AK8: variants seen among roughly 807,000 people sequenced by gnomAD.
AK8 encodes the protein ATP-AMP transphosphorylase 8.
A neutral mutation model predicts 54.6 loss-of-function variants in AK8; 44 were observed. The observed-to-expected ratio is 0.81, with a 90% CI of 0.63 to 1.04. The LOEUF (loss-of-function observed/expected upper bound fraction) is 1.04. AK8 is among the 50% of genes least tolerant of loss of function. The pLI is 0.00. For missense variants in AK8, 555 were observed against 613.6 expected (o/e 0.90, Z 1.01); for synonymous variants, 239 against 245.6 (o/e 0.97, Z 0.25).
At chr9:132,876,080 G>A (rs1477866820) in intron 1 of AK8, among the ~76,000 whole-genome samples, 1 of 152,208 alleles carries the variant, frequency 6.6e-6, no homozygotes, top group Non-Finnish European at 1.5e-5. Context: ...GGAGGGAGGG[G>A]CTGTAGCCCT....
At chr9:132,760,287 A>C (rs1838393664) in intron 11 of AK8, among the ~76,000 whole-genome samples, 1 of 151,700 alleles carries the variant, frequency 6.6e-6, no homozygotes, top group Non-Finnish European at 1.5e-5. Flanking sequence ...GGTTTAAGTG[A>C]TCCTCCCACC....
rs538639915 is a variant in AK8 at position 132,842,283 on chromosome 9, G to A, written c.402+12574C>T. Among the ~76,000 whole-genome samples the A allele has an allele frequency of 1.2e-4, 18 of 152,294 alleles. No individual in the cohort carries two copies. In the East Asian group the frequency reaches 3.3e-3, roughly 28 times the overall value. ...TTCACTGCCACGGTGGTACAGAACT[G>A]GGGAATTATCCAAATGGCATTGATT... On this transcript the variant is annotated intron_variant, in intron 5 of 12. Transcript: ENST00000298545.
chr9:132,746,934 G>C (rs1837680569), intron 11 of AK8, among the ~76,000 whole-genome samples: 1 of 152,124 alleles, frequency 6.6e-6, no homozygotes, highest in African/African-American at 2.4e-5. Context: ...ATGCATTCTG[G>C]TTTAAAATAA....
chr9:132,753,136 G>C (rs539293968), intron 11 of AK8, among the ~76,000 whole-genome samples: 1 of 152,184 alleles, frequency 6.6e-6, no homozygotes, highest in Non-Finnish European at 1.5e-5. Flanking sequence ...GAATCACGCC[G>C]CATTCCCAGG....
rs1185374011 is a variant in AK8 at position 132,790,238 on chromosome 9, A to G, written c.1121+2396T>C. Among the ~76,000 whole-genome samples, 1 of 152,132 alleles carries G rather than the reference A, an allele frequency of 6.6e-6. No homozygotes were observed. Among genetic ancestry groups the G allele is most frequent in the Non-Finnish European group, 1.5e-5 (1 of 68,016 alleles). ...GATAAACATTAACTAGAGATTTTAAATCACGGAGCTATACTTCTTTTTTTT... is the reference window on the plus strand; with the variant it reads ...GATAAACATTAACTAGAGATTTTAAGTCACGGAGCTATACTTCTTTTTTTT... On this transcript the variant is annotated intron_variant, in intron 11 of 12. Coordinates refer to ENST00000298545, the MANE Select transcript of AK8 (RefSeq NM_152572.3). This position sits in a 1 kb window ranked among gnomAD's most constrained non-coding sequence, Gnocchi z 4.1.
At chr9:132,877,866 G>C (rs754219632) in intron 1 of AK8, 26 of 643,796 alleles carry the variant, frequency 4.0e-5, no homozygotes, top group Non-Finnish European at 6.2e-5. Context: ...GGGAAACCGA[G>C]AAAAGGAAAG....
intron 11 of AK8, among the ~76,000 whole-genome samples, chr9:132,787,726 C>A (rs1024969338): frequency 1.3e-5 from 2 of 152,140 alleles, no homozygotes; most frequent in African/African-American, 4.8e-5. Flanking sequence ...GAAAGGCAAT[C>A]CCAAAATGAT....
intron 11 of AK8, among the ~76,000 whole-genome samples, chr9:132,756,233 C>G (rs578144346): frequency 1.6e-4 from 25 of 152,314 alleles, no homozygotes; most frequent in Non-Finnish European, 3.5e-4. Context: ...GCAGCTCATT[C>G]TTGCATAGAA....
At chr9:132,742,926 C>T (rs1837463526) in intron 11 of AK8, among the ~76,000 whole-genome samples, 1 of 152,318 alleles carries the variant, frequency 6.6e-6, no homozygotes, top group South Asian at 2.1e-4. Flanking sequence ...CCGCCAGAAG[C>T]GATGGAGCCA....
At chr9:132,735,451 C>G (rs988882084) in intron 11 of AK8, among the ~76,000 whole-genome samples, 2 of 152,172 alleles carry the variant, frequency 1.3e-5, no homozygotes, top group African/African-American at 4.8e-5. Context: ...GCTTCTTGAT[C>G]TTAACCAATA....
chr9:132,827,214 C>T (rs549609863), intron 7 of AK8, 160 bp from the exon 8 acceptor site: 4 of 675,902 alleles, frequency 5.9e-6, no homozygotes, highest in South Asian at 3.5e-5. Context: ...CCAGCACTTC[C>T]AGCTACTCTG....
intron 11 of AK8, among the ~76,000 whole-genome samples, chr9:132,737,530 C>T (rs1313516384): frequency 1.3e-5 from 2 of 152,120 alleles, no homozygotes; most frequent in African/African-American, 4.8e-5. Context: ...AAGAATAATA[C>T]ATCACAACCA....
chr9:132,787,368 C>T (rs927014761), intron 11 of AK8, among the ~76,000 whole-genome samples: 1 of 152,048 alleles, frequency 6.6e-6, no homozygotes, highest in African/African-American at 2.4e-5. Context: ...AAAGGAAGAG[C>T]CTACAAACTT....
chr9:132,857,097 C>A (rs1843200528), intron 4 of AK8, among the ~76,000 whole-genome samples: 1 of 152,146 alleles, frequency 6.6e-6, no homozygotes, highest in Non-Finnish European at 1.5e-5. Context: ...TCCCTGGCTC[C>A]AACATCTGCT....
At chr9:132,832,167 A>C (rs1588185795) in intron 5 of AK8, among the ~76,000 whole-genome samples, 1 of 142,144 alleles carries the variant, frequency 7.0e-6, no homozygotes, top group Non-Finnish European at 1.6e-5. Context: ...AAAAAAAAAA[A>C]CCTAAACAAA....
chr9:132,778,514 C>T (rs1479288178), intron 11 of AK8, among the ~76,000 whole-genome samples: 1 of 152,182 alleles, frequency 6.6e-6, no homozygotes, highest in African/African-American at 2.4e-5. Flanking sequence ...GCAAGAAACC[C>T]TCTCTACTTT....
At chr9:132,805,240 C>T (rs1039846223) in intron 10 of AK8, among the ~76,000 whole-genome samples, 1 of 152,194 alleles carries the variant, frequency 6.6e-6, no homozygotes, top group Admixed American at 6.5e-5. Context: ...TGACTCTGTG[C>T]ACTCCGGCTC....
chr9:132,777,307 G>A (rs970992252), intron 11 of AK8, among the ~76,000 whole-genome samples: 2 of 152,054 alleles, frequency 1.3e-5, no homozygotes, highest in Admixed American at 6.6e-5. Flanking sequence ...GTGCCTCCCC[G>A]CATCATCCCA....
intron 11 of AK8, among the ~76,000 whole-genome samples, chr9:132,739,579 T>C (rs1441760500): frequency 6.6e-6 from 1 of 150,938 alleles, no homozygotes; most frequent in Non-Finnish European, 1.5e-5. Context: ...CCAGAGTTGT[T>C]TTTGTTTTGT....
Sources: gnomAD v4.1 joint callset for allele counts (sites outside exome capture counted in the v4.1 genomes callset) on GRCh38, gnomAD v4.1.1 for gene constraint, Gnocchi (gnomAD v3.1) non-coding constraint, MANE v1.5 for transcripts, NCBI Gene and HGNC (gene_info 2026-07-23, HGNC 2026-07-21) for gene names.